Variants in CTNNA1 observed in about 807,000 individuals in gnomAD.
The protein encoded by CTNNA1 is catenin alpha-1.
Under a neutral mutation model 98.4 loss-of-function variants are expected in CTNNA1, and 37 were observed. The ratio of observed to expected loss-of-function variants is 0.38; its 90% CI spans 0.29 to 0.49. The LOEUF (loss-of-function observed/expected upper bound fraction) is 0.49. Ranked by LOEUF, CTNNA1 falls within the 20% of genes least tolerant of loss-of-function variation. CTNNA1 has a pLI of 0.95. For synonymous variants in CTNNA1, 404 were observed against 413.2 expected (o/e 0.98, Z 0.27); for missense variants, 761 against 1,147.2 (o/e 0.66, Z 4.86).
In CTNNA1 at chr5:138,922,685, G is replaced by A. The variant is rs146061221; in HGVS notation, c.1547-1825G>A. On this transcript the variant is annotated intron_variant, in intron 11 of 17. Coordinates refer to ENST00000302763, the MANE Select transcript of CTNNA1 (RefSeq NM_001903.5). Reference sequence around the variant, plus strand: ...AGAGCCTGTCCCCCTCTGTTGAACAGTGGACTCGCACCTCCCCCCATCAGG... The same window carrying A: ...AGAGCCTGTCCCCCTCTGTTGAACAATGGACTCGCACCTCCCCCCATCAGG... Among the ~76,000 whole-genome samples, 484 of 152,282 alleles carry A rather than the reference G, an allele frequency of 3.2e-3. 1 individual carries two copies. Among genetic ancestry groups the A allele is most frequent in the African/African-American group, 0.011 (456 of 41,546 alleles).
Position 138,793,845 on chromosome 5 carries a change from T to A in CTNNA1, c.301+10473T>A, listed in dbSNP as rs188809059. Among the ~76,000 whole-genome samples the A allele has an allele frequency of 1.8e-3, 279 of 152,272 alleles. 1 individual carries two copies. Among genetic ancestry groups the A allele is most frequent in the African/African-American group, 5.2e-3 (214 of 41,548 alleles). On this transcript the variant is annotated intron_variant, in intron 3 of 17. Transcript: ENST00000302763. ...GTGTTACTTTATTTTAACTTTTTTTTAAATCCATTCTGTCTGTCAACTGGA... is the reference window on the plus strand; with the variant it reads ...GTGTTACTTTATTTTAACTTTTTTTAAAATCCATTCTGTCTGTCAACTGGA...
intron 7 of CTNNA1, among the ~76,000 whole-genome samples, chr5:138,845,888 A>G (rs547659385): frequency 2.6e-5 from 4 of 152,244 alleles, no homozygotes; most frequent in South Asian, 2.1e-4. Flanking sequence ...ATATAGGGTC[A>G]GGGAATGATA....
intron 3 of CTNNA1, among the ~76,000 whole-genome samples, chr5:138,807,099 C>T (rs544290861): frequency 6.6e-6 from 1 of 151,400 alleles, no homozygotes; most frequent in South Asian, 2.1e-4. Flanking sequence ...TAACCTCCGC[C>T]TCCTGGGTTC....
chr5:138,925,774 A>C (rs2150298703), intron 13 of CTNNA1, among the ~76,000 whole-genome samples: 1 of 152,330 alleles, frequency 6.6e-6, no homozygotes, highest in African/African-American at 2.4e-5. Context: ...GTTCACATGA[A>C]GTGCCCCTCT....
At chr5:138,838,198 G>A (rs1188292403) in intron 7 of CTNNA1, among the ~76,000 whole-genome samples, 1 of 152,226 alleles carries the variant, frequency 6.6e-6, no homozygotes, top group Non-Finnish European at 1.5e-5. Context: ...ATGGCACCCA[G>A]CCCAACCAAT....
intron 7 of CTNNA1, among the ~76,000 whole-genome samples, chr5:138,868,010 C>T (rs1340391242): frequency 6.6e-6 from 1 of 152,156 alleles, no homozygotes; most frequent in Non-Finnish European, 1.5e-5. Flanking sequence ...CCTCAGCCTC[C>T]CAAAGTACTG....
intron 10 of CTNNA1, among the ~76,000 whole-genome samples, chr5:138,912,186 G>C (rs1389877085): frequency 1.3e-5 from 2 of 152,154 alleles, no homozygotes. Flanking sequence ...GCAGTGGCCA[G>C]CACAGGAGCC....
intron 9 of CTNNA1, among the ~76,000 whole-genome samples, chr5:138,894,868 A>G (rs764094232): frequency 2.8e-4 from 43 of 151,956 alleles, no homozygotes; most frequent in Non-Finnish European, 5.6e-4. Context: ...TTCATCTTTG[A>G]CCATACCTAA....
intron 7 of CTNNA1, among the ~76,000 whole-genome samples, chr5:138,854,231 T>G (rs950573880): frequency 6.6e-6 from 1 of 152,236 alleles, no homozygotes; most frequent in African/African-American, 2.4e-5. Context: ...ATGCAAGCAC[T>G]GAATGTGACT....
intron 7 of CTNNA1, chr5:138,870,601 G>A (rs1295917243): frequency 6.6e-6 from 1 of 152,108 alleles, no homozygotes; most frequent in Non-Finnish European, 1.5e-5. Flanking sequence ...GCCAAAGAAG[G>A]GGATTTCTTA....
intron 5 of CTNNA1, among the ~76,000 whole-genome samples, chr5:138,822,394 G>A (rs373938154): frequency 5.3e-5 from 8 of 152,208 alleles, no homozygotes; most frequent in African/African-American, 1.9e-4. Context: ...ATGACCGTAA[G>A]TGTCTTTGGT....
intron 7 of CTNNA1, among the ~76,000 whole-genome samples, chr5:138,880,019 C>A (rs1005284385): frequency 3.9e-5 from 6 of 152,178 alleles, no homozygotes; most frequent in Non-Finnish European, 7.3e-5. Context: ...AGCAAGAAAT[C>A]TTGGAGCAAT....
At chr5:138,800,270 G>A (rs150987964) in intron 3 of CTNNA1, among the ~76,000 whole-genome samples, 1 of 152,316 alleles carries the variant, frequency 6.6e-6, no homozygotes, top group East Asian at 1.9e-4. Flanking sequence ...CTGTGTGGGT[G>A]CAGGGCTGCT....
At chr5:138,927,109 G>T (rs994373488) in intron 13 of CTNNA1, among the ~76,000 whole-genome samples, 1 of 152,112 alleles carries the variant, frequency 6.6e-6, no homozygotes, top group Non-Finnish European at 1.5e-5. Flanking sequence ...CCTCTCACCC[G>T]GGTTCATGCA....
intron 3 of CTNNA1, among the ~76,000 whole-genome samples, chr5:138,783,734 G>A (rs1490943501): frequency 6.6e-6 from 1 of 152,170 alleles, no homozygotes; most frequent in Non-Finnish European, 1.5e-5. Context: ...AAATGGGACC[G>A]AAGTTTACTT....
chr5:138,760,574 C>T (rs1174410145), intron 1 of CTNNA1, among the ~76,000 whole-genome samples: 1 of 152,054 alleles, frequency 6.6e-6, no homozygotes, highest in African/African-American at 2.4e-5. Flanking sequence ...CCATATTGGC[C>T]AGGCTGGTCT....
At chr5:138,810,012 AGTTT>A (rs760702685) in intron 3 of CTNNA1, 22 bp from the exon 4 acceptor site, 27 of 1,578,244 alleles carry the variant, frequency 1.7e-5, no homozygotes, top group Non-Finnish European at 1.3e-5. Flanking sequence ...ATTCTTGCTG[AGTTT>A]GTTTTTCATT....
At chr5:138,784,358 C>T (rs1016601651) in intron 3 of CTNNA1, among the ~76,000 whole-genome samples, 5 of 152,290 alleles carry the variant, frequency 3.3e-5, no homozygotes. Flanking sequence ...ATAGATCTTT[C>T]GTGCCTGATG....
intron 7 of CTNNA1, among the ~76,000 whole-genome samples, chr5:138,842,455 T>G (rs1273942758): frequency 6.6e-6 from 1 of 152,258 alleles, no homozygotes; most frequent in Non-Finnish European, 1.5e-5. Flanking sequence ...GAAAATTGTT[T>G]GTTTTCTAAA....
Sources: gnomAD v4.1 joint callset for allele counts (sites outside exome capture counted in the v4.1 genomes callset) on GRCh38, gnomAD v4.1.1 for gene constraint, MANE v1.5 for transcripts, NCBI Gene and HGNC (gene_info 2026-07-23, HGNC 2026-07-21) for gene names.